The following PDE1C variants were observed in gnomAD, a reference collection of about 807,000 sequenced individuals.
The protein encoded by PDE1C is dual specificity calcium/calmodulin-dependent 3',5'-cyclic nucleotide phosphodiesterase 1C.
A neutral mutation model predicts 93.1 loss-of-function variants in PDE1C; 62 were observed. The observed-to-expected ratio is 0.67, with a 90% CI of 0.54 to 0.82. The LOEUF (loss-of-function observed/expected upper bound fraction) is 0.82. Among genes scored for constraint, PDE1C ranks in the 40% least tolerant of loss-of-function variants. The pLI is 0.00. For synonymous variants in PDE1C, 325 were observed against 310.1 expected (o/e 1.05, Z -0.50); for missense variants, 742 against 884.6 (o/e 0.84, Z 2.04).
At chr7:31,953,535 C>T (rs1349702152) in intron 2 of PDE1C, among the ~76,000 whole-genome samples, 1 of 152,206 alleles carries the variant, frequency 6.6e-6, no homozygotes, top group Non-Finnish European at 1.5e-5. Flanking sequence ...GCTAGGAAGA[C>T]TCTGCTTGCT....
At chr7:32,026,602 A>G (rs1018131905) in intron 2 of PDE1C, among the ~76,000 whole-genome samples, 2 of 152,174 alleles carry the variant, frequency 1.3e-5, no homozygotes, top group African/African-American at 4.8e-5. Flanking sequence ...CAGCCACTTT[A>G]AAAGACAGTT....
chr7:32,274,292 T>C lies in PDE1C; in HGVS notation c.85+24359A>G, dbSNP rs545210905. 8.6e-5 allele frequency among the ~76,000 whole-genome samples: 13 copies of C among 151,518 alleles called. No individual in the cohort carries two copies. In the South Asian group the frequency reaches 2.5e-3, roughly 29 times the overall value. On this transcript the variant is annotated intron_variant, in intron 1 of 18. Coordinates refer to the PDE1C transcript ENST00000396193. ...GCATGATCACAGCTCACTGCAGCCT[T>C]GAACTCCTGAGCTCAAATGATCCTC...
In PDE1C at chr7:32,153,038, A is replaced by G. The variant is rs1801357540; in HGVS notation, c.308+16747T>C. ...GGAAAATATTAAGAAAGGAGGGACT[A>G]AGAAACTGAGGCAATGTCTCAAAGT... On this transcript the variant is annotated intron_variant, in intron 3 of 18. Transcript: ENST00000396193. Among the ~76,000 whole-genome samples, 5 of 152,202 alleles carry G rather than the reference A, an allele frequency of 3.3e-5. No individual in the cohort carries two copies. In the South Asian group the frequency reaches 8.3e-4, roughly 25 times the overall value.
chr7:31,756,342 A>C (rs1264509582), intron 17 of PDE1C, among the ~76,000 whole-genome samples: 3 of 152,106 alleles, frequency 2.0e-5, no homozygotes, highest in Non-Finnish European at 4.4e-5. Flanking sequence ...ATATAACCCC[A>C]TTCTAAAAAT....
the PDE1C span, among the ~76,000 whole-genome samples, chr7:31,667,529 C>T: frequency 2.0e-5 from 3 of 151,892 alleles, no homozygotes; most frequent in Non-Finnish European, 4.4e-5. Flanking sequence ...TGCTGGGCAC[C>T]GTCGTAGGGG....
chr7:31,996,107 T>C (rs1784698858), intron 2 of PDE1C, among the ~76,000 whole-genome samples: 1 of 129,562 alleles, frequency 7.7e-6, no homozygotes, highest in African/African-American at 2.9e-5. Flanking sequence ...ACACACACAC[T>C]TCCATGCATT....
chr7:31,952,178 T>C (rs60884499), intron 2 of PDE1C, among the ~76,000 whole-genome samples: 4,827 of 152,160 alleles, frequency 0.032, 240 homozygotes, highest in African/African-American at 0.11. Flanking sequence ...TATCTAATAG[T>C]CTATTCCCAC....
Position 32,107,073 on chromosome 7 carries a change from T to C in PDE1C, c.308+62712A>G, listed in dbSNP as rs79226632. On this transcript the variant is annotated intron_variant, in intron 3 of 18. Coordinates refer to the PDE1C transcript ENST00000396193. ...GACTTTGGTGGACTCATCAGTAGAATGGACATGGCCAAGGAAAGAATCAGT... is the reference window on the plus strand; with the variant it reads ...GACTTTGGTGGACTCATCAGTAGAACGGACATGGCCAAGGAAAGAATCAGT... Among the ~76,000 whole-genome samples the C allele has an allele frequency of 3.8e-3, 568 of 150,900 alleles. 33 individuals are homozygous for C. The East Asian group carries it at 0.1, about 27-fold the overall frequency.
intron 1 of PDE1C, among the ~76,000 whole-genome samples, chr7:32,267,010 T>A (rs1030974659): frequency 6.6e-6 from 1 of 152,044 alleles, no homozygotes; most frequent in African/African-American, 2.4e-5. Flanking sequence ...AGCAAGGCCG[T>A]CTGGGAGCAA....
At chr7:32,354,551 A>G (rs1783995354) in intron 1 of PDE1C, among the ~76,000 whole-genome samples, 1 of 152,156 alleles carries the variant, frequency 6.6e-6, no homozygotes, top group Non-Finnish European at 1.5e-5. Flanking sequence ...ATGAGCTGTG[A>G]TCTCACCACT....
chr7:31,639,406 G>A, the PDE1C span, among the ~76,000 whole-genome samples: 1 of 6,020 alleles, frequency 1.7e-4, no homozygotes, highest in Non-Finnish European at 2.9e-4. Context: ...TACTGGAGAC[G>A]TTGTTTTCAT....
chr7:32,155,696 C>T (rs1801525717), intron 3 of PDE1C, among the ~76,000 whole-genome samples: 1 of 152,224 alleles, frequency 6.6e-6, no homozygotes, highest in African/African-American at 2.4e-5. Flanking sequence ...ATGCTCACCG[C>T]ATGCATGCCT....
chr7:31,652,723 A>G, the PDE1C span: 3 of 1,613,930 alleles, frequency 1.9e-6, no homozygotes, highest in South Asian at 3.3e-5. Context: ...CCCACCTTGG[A>G]GAACAGCACC....
At chr7:31,852,420 A>C (rs953163790) in intron 7 of PDE1C, among the ~76,000 whole-genome samples, 1 of 152,204 alleles carries the variant, frequency 6.6e-6, no homozygotes, top group South Asian at 2.1e-4. Context: ...AATGAGATGA[A>C]AAAAAGATGG....
At chr7:32,395,596 G>C (rs1784828205) in intron 1 of PDE1C, among the ~76,000 whole-genome samples, 1 of 151,968 alleles carries the variant, frequency 6.6e-6, no homozygotes, top group African/African-American at 2.4e-5. Context: ...TGAACTTACA[G>C]TTTTTATCTG....
At chr7:32,386,802 T>C (rs981018025) in intron 1 of PDE1C, among the ~76,000 whole-genome samples, 2 of 152,000 alleles carry the variant, frequency 1.3e-5, no homozygotes, top group African/African-American at 4.8e-5. Context: ...TGGAAGAACA[T>C]TGTGCCAAAT....
At chr7:31,866,455 C>T (rs1172871293) in intron 6 of PDE1C, among the ~76,000 whole-genome samples, 1 of 152,040 alleles carries the variant, frequency 6.6e-6, no homozygotes, top group Non-Finnish European at 1.5e-5. Context: ...AACTTTGTTC[C>T]AAGGAAAGTC....
chr7:32,335,992 A>G (rs1053267074), intron 1 of PDE1C, among the ~76,000 whole-genome samples: 1 of 152,074 alleles, frequency 6.6e-6, no homozygotes, highest in Non-Finnish European at 1.5e-5. Context: ...ACCTGGCCTT[A>G]ATTACCTTTT....
chr7:32,120,053 G>C (rs774075588), intron 3 of PDE1C, among the ~76,000 whole-genome samples: 5 of 152,184 alleles, frequency 3.3e-5, no homozygotes, highest in Admixed American at 6.5e-5. Flanking sequence ...TCCCCTGCTA[G>C]AGCCAGGGAG....
Sources: gnomAD v4.1 joint callset for allele counts (sites outside exome capture counted in the v4.1 genomes callset) on GRCh38, gnomAD v4.1.1 for gene constraint, MANE v1.5 for transcripts, NCBI Gene and HGNC (gene_info 2026-07-23, HGNC 2026-07-21) for gene names.